The following PHKB variants were observed in gnomAD, a reference collection of about 807,000 sequenced individuals.
PHKB encodes the protein phosphorylase kinase regulatory subunit beta.
Under a neutral mutation model 152.1 loss-of-function variants are expected in PHKB, and 122 were observed. That is an observed-to-expected ratio of 0.80 (90% confidence interval 0.69 to 0.93). The LOEUF is 0.93. Among genes scored for constraint, PHKB ranks in the 40% least tolerant of loss-of-function variants. PHKB has a pLI of 0.00. For missense variants in PHKB, 1,304 were observed against 1,328.4 expected (o/e 0.98, Z 0.29); for synonymous variants, 436 against 464.9 (o/e 0.94, Z 0.80).
intron 6 of PHKB, among the ~76,000 whole-genome samples, chr16:47,530,280 C>T (rs192130075): frequency 5.3e-5 from 8 of 152,020 alleles, no homozygotes; most frequent in East Asian, 1.9e-4. Flanking sequence ...GGATCACAGG[C>T]GTGTGCCACC....
chr16:47,484,229 C>T (rs115954240), intron 1 of PHKB, among the ~76,000 whole-genome samples: 1,688 of 152,190 alleles, frequency 0.011, 28 homozygotes, highest in African/African-American at 0.039. Context: ...AACTTAATAC[C>T]TTTTTATTAA....
chr16:47,669,039 G>C (rs1381873849), intron 25 of PHKB, among the ~76,000 whole-genome samples, 176 bp from the exon 26 acceptor site: 3 of 152,150 alleles, frequency 2.0e-5, no homozygotes, highest in Non-Finnish European at 4.4e-5. Flanking sequence ...ATGAATTCCA[G>C]TGGGAGTCAT....
intron 7 of PHKB, chr16:47,566,125 C>T: frequency 1.5e-6 from 1 of 658,096 alleles, no homozygotes; most frequent in East Asian, 2.6e-5. Flanking sequence ...TCTCTGCTGC[C>T]TTGGTCATCA....
At chr16:47,464,222 A>G in intron 1 of PHKB, 1 of 541,820 alleles carries the variant, frequency 1.8e-6, no homozygotes, top group Non-Finnish European at 3.3e-6. Flanking sequence ...GCCTGCCCCG[A>G]TATTTGCAAG....
intron 1 of PHKB, among the ~76,000 whole-genome samples, chr16:47,487,778 T>A (rs1257677230): frequency 1.3e-5 from 2 of 152,198 alleles, no homozygotes; most frequent in African/African-American, 2.4e-5. Context: ...CGTGATTCCA[T>A]TTTTTTATGG....
At chr16:47,593,592 T>C (rs1402638672) in intron 11 of PHKB, 35 bp downstream of exon 11, 1 of 1,217,508 alleles carries the variant, frequency 8.2e-7, no homozygotes, top group Middle Eastern at 1.9e-4. Context: ...TAAGCAAGCT[T>C]TTTCCTGAAA....
intron 26 of PHKB, among the ~76,000 whole-genome samples, chr16:47,681,775 A>C (rs1340376082): frequency 6.6e-6 from 1 of 152,082 alleles, no homozygotes; most frequent in African/African-American, 2.4e-5. Context: ...TTTACATTTA[A>C]AGTTAATATT....
intron 26 of PHKB, among the ~76,000 whole-genome samples, chr16:47,684,192 G>A (rs1298430507): frequency 6.6e-6 from 1 of 152,008 alleles, no homozygotes; most frequent in East Asian, 1.9e-4. Context: ...AATTAGCTGG[G>A]TGTAGCGGTG....
chr16:47,572,025 T>A (rs551847225), intron 7 of PHKB, among the ~76,000 whole-genome samples: 2 of 152,126 alleles, frequency 1.3e-5, no homozygotes, highest in Non-Finnish European at 2.9e-5. Context: ...TGCTGGAGAA[T>A]CTTGGCAAGG....
intron 7 of PHKB, among the ~76,000 whole-genome samples, chr16:47,550,523 A>G (rs1045478855): frequency 6.6e-5 from 10 of 152,210 alleles, no homozygotes; most frequent in African/African-American, 2.4e-5. Flanking sequence ...CTATACAGTC[A>G]TCTGTACCAG....
intron 8 of PHKB, among the ~76,000 whole-genome samples, chr16:47,585,789 A>G (rs1971925076): frequency 6.6e-6 from 1 of 152,256 alleles, no homozygotes; most frequent in African/African-American, 2.4e-5. Context: ...ATTTACGGCC[A>G]GAAAATAGAA....
intron 7 of PHKB, among the ~76,000 whole-genome samples, chr16:47,556,007 A>T (rs1214803618): frequency 3.3e-5 from 5 of 152,076 alleles, no homozygotes; most frequent in African/African-American, 1.2e-4. Flanking sequence ...TGTAAGTTGG[A>T]TTCCTAGGTA....
intron 26 of PHKB, among the ~76,000 whole-genome samples, chr16:47,672,833 G>A (rs1169312462): frequency 1.3e-5 from 2 of 151,924 alleles, no homozygotes; most frequent in East Asian, 1.9e-4. Context: ...TGTATGTTTG[G>A]TGCTTTCCAT....
chr16:47,699,672 C>T lies in PHKB; in HGVS notation c.*306C>T. The T allele has an allele frequency of 5.1e-6, 2 of 391,408 alleles. No individual in the cohort carries two copies. Among genetic ancestry groups the T allele is most frequent in the South Asian group, 5.0e-5 (2 of 39,942 alleles). The allele number at this position is 391,408 out of a possible 1,614,324, so 24.2% of individuals were successfully genotyped here. ...CTGCATGTTGTATGATCAAATAGTT[C>T]ATCAAAATGAATCTTTGCTCTTTGG... On this transcript the variant is annotated 3_prime_UTR_variant, in exon 31 of 31. Transcript: ENST00000323584.
chr16:47,598,966 C>T, intron 13 of PHKB: 1 of 1,320,116 alleles, frequency 7.6e-7, no homozygotes, highest in Non-Finnish European at 1.1e-6. Flanking sequence ...CACAGCCAAT[C>T]CCACAAGGCC....
chr16:47,466,340 T>C (rs1225815130), intron 1 of PHKB, among the ~76,000 whole-genome samples: 2 of 152,222 alleles, frequency 1.3e-5, no homozygotes, highest in South Asian at 2.1e-4. Context: ...TACCTTAGAT[T>C]GCTTCCGTTT....
chr16:47,521,641 G>A, intron 6 of PHKB, among the ~76,000 whole-genome samples: 1 of 151,224 alleles, frequency 6.6e-6, no homozygotes, highest in Middle Eastern at 3.2e-3. Flanking sequence ...GGAAACAAGA[G>A]CGAAACTACG....
chr16:47,623,975 A>G (rs1972664840), intron 14 of PHKB, among the ~76,000 whole-genome samples: 2 of 152,346 alleles, frequency 1.3e-5, no homozygotes, highest in East Asian at 3.9e-4. Context: ...ATATCAGAAT[A>G]TAATGCCTAA....
intron 20 of PHKB, among the ~76,000 whole-genome samples, chr16:47,658,410 C>A (rs1973377155): frequency 1.3e-5 from 2 of 152,128 alleles, no homozygotes. Flanking sequence ...CCCTACCTTT[C>A]TTATTTCTAC....
Sources: allele counts gnomAD v4.1 joint callset (sites outside exome capture counted in the v4.1 genomes callset), GRCh38; gene constraint gnomAD v4.1.1; transcripts MANE v1.5; gene names NCBI Gene and HGNC (gene_info 2026-07-23, HGNC 2026-07-21).